Variants in LRP1 observed in about 807,000 individuals in gnomAD.
The protein encoded by LRP1 is LDL receptor related protein 1.
A neutral mutation model predicts 541.5 loss-of-function variants in LRP1; 51 were observed. The ratio of observed to expected loss-of-function variants is 0.09; its 90% CI spans 0.08 to 0.12. The LOEUF (loss-of-function observed/expected upper bound fraction) is 0.12. Ranked by LOEUF, LRP1 falls within the 10% of genes least tolerant of loss-of-function variation. LRP1 has a pLI of 1.00. For synonymous variants in LRP1, 2,219 were observed against 2,470.8 expected (o/e 0.90, Z 3.02); for missense variants, 3,878 against 6,376.2 (o/e 0.61, Z 13.34).
chr12:57,173,731 G>A lies in LRP1; in HGVS notation c.3347-49G>A. ...ACAGGGTCTGGAAGGAAGGGCAGGG[G>A]GAGCCCCAGTCCCCGGGCCTGGGCC... On this transcript the variant is annotated intron_variant, in intron 21 of 88. Transcript: ENST00000243077. The surrounding 1 kb of genome is among the most constrained non-coding windows in gnomAD (Gnocchi z 4.7). 1 of 1,588,718 alleles carries A rather than the reference G, an allele frequency of 6.3e-7. No homozygotes were observed. The highest frequency in any genetic ancestry group is 8.6e-7 in the Non-Finnish European group (1 of 1,157,366).
intron 15 of LRP1, among the ~76,000 whole-genome samples, chr12:57,164,093 C>T (rs1352032791): frequency 6.6e-6 from 1 of 152,118 alleles, no homozygotes; most frequent in Admixed American, 6.5e-5. Flanking sequence ...ATCGCTTGAA[C>T]CTGGGAAGCG....
At position 57,133,997 on chromosome 12, in the gene LRP1, C is replaced by A. The variant is rs1019858910; in HGVS notation, c.68-4462C>A. On this transcript the variant is annotated intron_variant, in intron 1 of 88. Coordinates refer to ENST00000243077, the MANE Select transcript of LRP1 (RefSeq NM_002332.3). Reference sequence around the variant, plus strand: ...CCACCCCCAAGGTCCCAGAATGGGACACAGAATGACAGCCAAGGGTCAAGC... The same window carrying A: ...CCACCCCCAAGGTCCCAGAATGGGAAACAGAATGACAGCCAAGGGTCAAGC... Among the ~76,000 whole-genome samples, 3 of 152,312 alleles carry A rather than the reference C, an allele frequency of 2.0e-5. No homozygotes were observed. The East Asian group carries it at 5.8e-4, about 29-fold the overall frequency.
chr12:57,153,716 C>T (rs2035568119), intron 6 of LRP1, among the ~76,000 whole-genome samples: 1 of 152,124 alleles, frequency 6.6e-6, no homozygotes, highest in African/African-American at 2.4e-5. Context: ...ACTTTTCTCC[C>T]AAACTGGGTT....
At position 57,184,456 on chromosome 12, in the gene LRP1, C is replaced by T. The variant is rs759040643; in HGVS notation, c.6186+4C>T. The stretch of plus-strand genomic sequence containing the variant: ...CGGCATCTCAGTGGACTACCAGGTT[C>T]GCACGCCAACTTGGCCTTGGATCCG... On this transcript the variant is annotated splice_donor_region_variant and intron_variant, in intron 38 of 88. Transcript: ENST00000243077. This position sits in a 1 kb window ranked among gnomAD's most constrained non-coding sequence, Gnocchi z 7.8. 22 of 1,614,078 alleles carry T rather than the reference C, an allele frequency of 1.4e-5. No individual in the cohort carries two copies. The Admixed American group carries it at 1.7e-4, about 12-fold the overall frequency.
At chr12:57,172,362 G>C (rs939342821) in intron 20 of LRP1, among the ~76,000 whole-genome samples, 1 of 152,068 alleles carries the variant, frequency 6.6e-6, no homozygotes, top group Non-Finnish European at 1.5e-5. Flanking sequence ...GTAGAGACAG[G>C]GTTTCACCAT....
intron 76 of LRP1, among the ~76,000 whole-genome samples, 192 bp from the exon 77 acceptor site, chr12:57,207,846 C>T (rs2036817717): frequency 6.6e-6 from 1 of 152,246 alleles, no homozygotes; most frequent in Non-Finnish European, 1.5e-5. Flanking sequence ...GCACAGGCTT[C>T]AGGGAGGGCT....
intron 1 of LRP1, among the ~76,000 whole-genome samples, chr12:57,137,526 C>A (rs1433479238): frequency 6.6e-6 from 1 of 152,116 alleles, no homozygotes; most frequent in East Asian, 1.9e-4. Context: ...TGAGGTCTAA[C>A]CAAGGGAGGC....
At position 57,179,466 on chromosome 12, in the gene LRP1, G is replaced by A. The variant is rs761763756; in HGVS notation, c.4876G>A (p.Glu1626Lys). The change falls in exon 29 of 89, where the codon GAG (glutamate) becomes AAG (lysine). Residue 1626 changes from glutamate (E) to lysine (K), a missense_variant. Around this residue, in one of 13 missense-constraint regions of LRP1, gnomAD observed 394 missense variants for 635.9 expected, o/e 0.62. Transcript: ENST00000243077. This position sits in a 1 kb window ranked among gnomAD's most constrained non-coding sequence, Gnocchi z 6.8. ...NVTVLDYDAR[E>K]QRVYWSDVRT... Reference sequence around the variant, plus strand: ...CACAGTGCTAGACTACGATGCCCGCGAGCAGCGTGTGTACTGGTCTGACGT... The same window carrying A: ...CACAGTGCTAGACTACGATGCCCGCAAGCAGCGTGTGTACTGGTCTGACGT... The A allele has an allele frequency of 5.0e-6, 8 of 1,614,214 alleles. No homozygotes were observed. The highest frequency in any genetic ancestry group is 4.0e-5 in the African/African-American group (3 of 75,056).
chr12:57,149,912 A>G, intron 6 of LRP1: 1 of 618,008 alleles, frequency 1.6e-6, no homozygotes, highest in Non-Finnish European at 2.9e-6. Context: ...GAGTAGGATT[A>G]CTAGACAGAC....
At chr12:57,210,919 G>C (rs372341432) in intron 83 of LRP1, 40 bp downstream of exon 83, 1 of 1,589,614 alleles carries the variant, frequency 6.3e-7, no homozygotes, top group Non-Finnish European at 8.6e-7. Context: ...ATGCGGGAGG[G>C]TGACGGGGGA....
In LRP1 at chr12:57,187,262, C is replaced by T; in HGVS notation, c.6842-5C>T. The T allele has an allele frequency of 6.2e-7, 1 of 1,609,958 alleles. No homozygotes were observed. Among genetic ancestry groups the T allele is most frequent in the Non-Finnish European group, 8.5e-7 (1 of 1,177,634 alleles). ...TGACAAATCGCTGCTCCTGTCTCTT[C>T]ACAGACGTGGGCTCCGTGGAAGGCC... On this transcript the variant is annotated splice_region_variant and splice_polypyrimidine_tract_variant and intron_variant, in intron 41 of 88. Transcript: ENST00000243077.
rs997504100 is a variant in LRP1 at position 57,158,713 on chromosome 12, C to T, written c.1798+75C>T. ...CCAGGCATCTGTTTCTCGGTGCCCT[C>T]TCAGCAGGATGGTCCCCTGCTGACT... On this transcript the variant is annotated intron_variant, in intron 11 of 88. Coordinates refer to ENST00000243077, the MANE Select transcript of LRP1 (RefSeq NM_002332.3). The surrounding 1 kb of genome is among the most constrained non-coding windows in gnomAD (Gnocchi z 5.3). 9 of 1,371,356 alleles carry T rather than the reference C, an allele frequency of 6.6e-6. No individual in the cohort carries two copies. The highest frequency in any genetic ancestry group is 5.8e-5 in the African/African-American group (4 of 69,548). The allele number at this position is 1,371,356 out of a possible 1,614,324, so 84.9% of individuals were successfully genotyped here. A position where few individuals can be genotyped will look rare whatever the true frequency, so the allele number is the denominator to read the frequency against.
intron 42 of LRP1, among the ~76,000 whole-genome samples, chr12:57,188,455 A>C (rs1156309554): frequency 6.6e-6 from 1 of 152,104 alleles, no homozygotes; most frequent in African/African-American, 2.4e-5. Context: ...ACCTGGCTCA[A>C]GGACCCTCTG....
rs1565757608 is a variant in LRP1, at chr12:57,210,084, T to C, written c.12495T>C (p.Ser4165=). 6.2e-7 allele frequency: 1 copy of C among 1,613,656 alleles called. No individual in the cohort carries two copies. The highest frequency in any genetic ancestry group is 1.3e-5 in the African/African-American group (1 of 75,034). ...AGTGGCTCTGCCTGCTGAGCCCCAG[T>C]GGGCCTGTCTGCACCTGTCCCAATG... ...KCEWLCLLSP[S]GPVCTCPNGK... is the part of the protein sequence containing the mutation. Residue 4165 remains serine, a synonymous_variant, in exon 81 of 89, where the codon AGT becomes AGC. Transcript: ENST00000243077.
Position 57,199,568 on chromosome 12 carries a change from C to A in LRP1, c.9865+168C>A, listed in dbSNP as rs144218283. ...GGTCTGGCTCCCGGGAGCTTCAGCC[C>A]GGCCTGGATCCAGCCCTGGAGTCTG... On this transcript the variant is annotated intron_variant, in intron 61 of 88. Transcript: ENST00000243077. 5.9e-3 allele frequency among the ~76,000 whole-genome samples: 894 copies of A among 152,254 alleles called. 7 individuals are homozygous for A. Among genetic ancestry groups the A allele is most frequent in the African/African-American group, 0.02 (832 of 41,548 alleles).
At chr12:57,149,723 C>T (rs752240731) in intron 6 of LRP1, 4 of 732,840 alleles carry the variant, frequency 5.5e-6, no homozygotes, top group East Asian at 5.1e-5. Flanking sequence ...TGACACAACA[C>T]GGCTAAGCTC....
At chr12:57,160,521 C>T (rs2035707957) in intron 12 of LRP1, among the ~76,000 whole-genome samples, 1 of 152,136 alleles carries the variant, frequency 6.6e-6, no homozygotes, top group Admixed American at 6.5e-5. Flanking sequence ...TTCTCCATCA[C>T]TCCCCTGACA....
Position 57,128,639 on chromosome 12 carries a change from T to C in LRP1, c.-326T>C. The C allele has an allele frequency of 2.5e-6, 1 of 396,376 alleles. No individual in the cohort carries two copies. The highest frequency in any genetic ancestry group is 4.5e-6 in the Non-Finnish European group (1 of 222,966). The allele number at this position is 396,376 out of a possible 1,614,324, so 24.6% of individuals were successfully genotyped here. ...CTCCCCGCCTCCTCCCAATTGTGCA[T>C]TTTTGCAGCCGGAGGCGGCTCCGAG... On this transcript the variant is annotated 5_prime_UTR_variant, in exon 1 of 89. Transcript: ENST00000243077.
intron 1 of LRP1, among the ~76,000 whole-genome samples, chr12:57,136,395 G>GGGCCCC: frequency 1.0e-5 from 1 of 99,124 alleles, no homozygotes; most frequent in African/African-American, 4.0e-5. Context: ...CCTCCTAAGA[G>GGGCCCC]CCCCCCCCCC....
Sources: gnomAD v4.1 joint callset for allele counts (sites outside exome capture counted in the v4.1 genomes callset) on GRCh38, gnomAD v4.1.1 for gene constraint, gnomAD v4.1.1 regional missense constraint, Gnocchi (gnomAD v3.1) non-coding constraint, MANE v1.5 for transcripts, NCBI Gene and HGNC (gene_info 2026-07-23, HGNC 2026-07-21) for gene names.